Variants in C2orf42 observed in about 807,000 individuals in gnomAD.
C2orf42 encodes uncharacterized protein C2orf42.
C2orf42 carries 44 observed loss-of-function variants against 58.9 expected under a neutral mutation model. That is an observed-to-expected ratio of 0.75 (90% CI 0.59 to 0.96). The LOEUF is 0.96. Among genes scored for constraint, C2orf42 ranks in the 40% least tolerant of loss-of-function variants. The probability of loss-of-function intolerance (pLI) is 0.00; values close to 1 mark genes in which losing one functional copy is unlikely to be tolerated. For missense variants in C2orf42, 630 were observed against 699.2 expected (o/e 0.90, Z 1.12); for synonymous variants, 239 against 265.4 (o/e 0.90, Z 0.97).
At chr2:70,169,526 G>T in intron 6 of C2orf42, 31 bp downstream of exon 6, 1 of 1,122,452 alleles carries the variant, frequency 8.9e-7, no homozygotes, top group Non-Finnish European at 1.4e-6. Context: ...CCTACTTTCA[G>T]CAAGAGCCCA....
At chr2:70,158,434 ATTTATTTATTTATTTG>A (rs1414450085) in intron 9 of C2orf42, among the ~76,000 whole-genome samples, 8 of 144,736 alleles carry the variant, frequency 5.5e-5, no homozygotes, top group African/African-American at 2.2e-4. Flanking sequence ...TTATTTATTT[ATTTATTTATTTATTTG>A]TTTGTTTGTT....
chr2:70,150,526 T>C lies in C2orf42; in HGVS notation c.1555A>G (p.Ile519Val), dbSNP rs1346418641. ...SPDQKEPTPFIIEWIPDILPQ... is the reference protein window; with the variant it reads ...SPDQKEPTPFVIEWIPDILPQ... Reference sequence around the variant, plus strand: ...AGGATATCTGGGATCCACTCGATGATGAAAGGTGTTGGCTCCTTTTGATCT... The same window carrying C: ...AGGATATCTGGGATCCACTCGATGACGAAAGGTGTTGGCTCCTTTTGATCT... The change falls in exon 10 of 10, where the codon ATC becomes GTC. Residue 519 changes from isoleucine (I) to valine (V), a missense_variant. Coordinates refer to ENST00000264434, the MANE Select transcript of C2orf42 (RefSeq NM_017880.3). 1.2e-6 allele frequency: 2 copies of C among 1,614,018 alleles called. No individual in the cohort carries two copies. The highest frequency in any genetic ancestry group is 1.7e-6 in the Non-Finnish European group (2 of 1,179,922).
At chr2:70,189,677 C>T (rs978620233) in intron 1 of C2orf42, among the ~76,000 whole-genome samples, 48 of 148,180 alleles carry the variant, frequency 3.2e-4, no homozygotes, top group African/African-American at 1.0e-3. Flanking sequence ...GAGATCGTGC[C>T]ACTGCACTCC....
At position 70,183,046 on chromosome 2, in the gene C2orf42, T is replaced by C. The variant is rs549629885; in HGVS notation, c.-281-111A>G. The C allele has an allele frequency of 1.9e-3, 291 of 152,316 alleles. 3 individuals are homozygous for C. Among genetic ancestry groups the C allele is most frequent in the African/African-American group, 6.7e-3 (278 of 41,572 alleles). 9.4% of individuals were successfully genotyped at this position (152,316 alleles called of 1,614,324 possible). A position where few individuals can be genotyped will look rare whatever the true frequency, so the allele number is the denominator to read the frequency against. ...GTCTTTCACAATTACTTGAGAAATA[T>C]TTGACAGAAATGATTATGGAAATGG... is the stretch of plus-strand genomic sequence containing the variant. On this transcript the variant is annotated intron_variant, in intron 1 of 9. Coordinates refer to ENST00000264434, the MANE Select transcript of C2orf42 (RefSeq NM_017880.3).
Position 70,181,824 on chromosome 2 carries a change from A to C in C2orf42, c.162T>G (p.Gly54=). The C allele has an allele frequency of 6.2e-7, 1 of 1,614,154 alleles. No individual in the cohort carries two copies. The highest frequency in any genetic ancestry group is 1.3e-5 in the African/African-American group (1 of 75,046). Residue 54 remains glycine, a synonymous_variant, in exon 3 of 10, where the codon GGT becomes GGG. Coordinates refer to ENST00000264434, the MANE Select transcript of C2orf42 (RefSeq NM_017880.3). ...CTTCAACACTAGGCTGCTTGCGTGC[A>C]CCGTAGCGGAATATGGTTCCACATG... The part of the protein sequence containing the change: ...NKTCGTIFRY[G]ARKQPSVEAV...
intron 6 of C2orf42, 141 bp from the exon 7 acceptor site, chr2:70,165,776 A>G (rs943742495): frequency 1.7e-5 from 10 of 595,146 alleles, no homozygotes; most frequent in East Asian, 2.8e-5. Context: ...AGGCAAAAAG[A>G]AGGCTTTGAT....
chr2:70,177,600 A>C (rs1469523974), intron 4 of C2orf42, among the ~76,000 whole-genome samples: 1 of 152,142 alleles, frequency 6.6e-6, no homozygotes, highest in Non-Finnish European at 1.5e-5. Context: ...ATCCATCCCT[A>C]GCAATATTTC....
At chr2:70,171,320 G>T (rs1311767949) in intron 5 of C2orf42, among the ~76,000 whole-genome samples, 1 of 152,094 alleles carries the variant, frequency 6.6e-6, no homozygotes, top group Admixed American at 6.6e-5. Context: ...GGCTGTTTTA[G>T]AGGTTTATAA....
At chr2:70,169,379 G>C (rs1673639555) in intron 6 of C2orf42, among the ~76,000 whole-genome samples, 178 bp downstream of exon 6, 2 of 151,920 alleles carry the variant, frequency 1.3e-5, no homozygotes, top group Admixed American at 1.3e-4. Flanking sequence ...TAATTTTGCT[G>C]CGCCTGAATT....
chr2:70,186,083 C>T (rs914518204), intron 1 of C2orf42, among the ~76,000 whole-genome samples: 1 of 151,432 alleles, frequency 6.6e-6, no homozygotes, highest in African/African-American at 2.4e-5. Context: ...GATGTAGAGT[C>T]ATTAGCCTGT....
In C2orf42 at chr2:70,169,667, GA is replaced by G. The variant is rs750287311; in HGVS notation, c.1040-7del. ...ATCTAACAGCTGACCACAGGCTAGG[GA>G]AAAAAAAACCACACATACACACTTC... On this transcript the variant is annotated splice_region_variant and splice_polypyrimidine_tract_variant and intron_variant, in intron 5 of 9. Coordinates refer to ENST00000264434, the MANE Select transcript of C2orf42 (RefSeq NM_017880.3). 80 of 1,439,418 alleles carry G rather than the reference GA, an allele frequency of 5.6e-5. No individual in the cohort carries two copies. The highest frequency in any genetic ancestry group is 6.4e-5 in the Non-Finnish European group (66 of 1,032,342). The allele number at this position is 1,439,418 out of a possible 1,614,324, so 89.2% of individuals were successfully genotyped here. A position where few individuals can be genotyped will look rare whatever the true frequency, so the allele number is the denominator to read the frequency against.
intron 9 of C2orf42, among the ~76,000 whole-genome samples, chr2:70,154,320 TGA>T (rs1185805835): frequency 2.0e-5 from 3 of 149,450 alleles, no homozygotes; most frequent in African/African-American, 7.4e-5. Flanking sequence ...CCCAGCACTT[TGA>T]GAGGATCAGG....
intron 8 of C2orf42, among the ~76,000 whole-genome samples, chr2:70,164,250 C>T (rs1046788581): frequency 6.6e-6 from 1 of 151,378 alleles, no homozygotes. Context: ...TAGAGTGAGC[C>T]GTGACTGCAC....
In C2orf42 at chr2:70,181,232, T is replaced by C. The variant is rs748339283; in HGVS notation, c.754A>G (p.Ile252Val). The C allele has an allele frequency of 2.8e-5, 45 of 1,605,254 alleles. No homozygotes were observed. Among genetic ancestry groups the C allele is most frequent in the Non-Finnish European group, 3.6e-5 (42 of 1,173,034 alleles). ...AQRCIHFFAC[I>V]CAFASDETLA... ...GTCTCATCACTGGCAAAGGCACAGATGCAAGCAAAGAAATGAATGCATCTC... is the reference window on the plus strand; with the variant it reads ...GTCTCATCACTGGCAAAGGCACAGACGCAAGCAAAGAAATGAATGCATCTC... The change falls in exon 3 of 10, where the codon ATC becomes GTC. Residue 252 changes from isoleucine to valine, a missense_variant. Ile to Val is a conservative substitution (Grantham distance 29). Coordinates refer to ENST00000264434, the MANE Select transcript of C2orf42 (RefSeq NM_017880.3).
chr2:70,159,189 G>A (rs947302526), intron 9 of C2orf42, among the ~76,000 whole-genome samples: 5 of 151,806 alleles, frequency 3.3e-5, no homozygotes, highest in South Asian at 2.1e-4. Flanking sequence ...CCCGGCCCTC[G>A]GCGGAGTATT....
At chr2:70,176,683 C>T (rs1334453048) in intron 4 of C2orf42, among the ~76,000 whole-genome samples, 1 of 151,944 alleles carries the variant, frequency 6.6e-6, no homozygotes, top group Non-Finnish European at 1.5e-5. Flanking sequence ...AGTGGCTATT[C>T]ACAGGTCCAA....
intron 4 of C2orf42, among the ~76,000 whole-genome samples, chr2:70,179,323 C>A (rs1014116437): frequency 2.5e-4 from 38 of 152,128 alleles, no homozygotes; most frequent in African/African-American, 8.7e-4. Flanking sequence ...AATTCCAGCA[C>A]TCTGGGAGGC....
chr2:70,168,755 C>T (rs534301632), intron 6 of C2orf42, among the ~76,000 whole-genome samples: 186 of 151,476 alleles, frequency 1.2e-3, no homozygotes, highest in Non-Finnish European at 2.1e-3. Flanking sequence ...CACTGTTGCC[C>T]AGGCTGGAGT....
At chr2:70,177,361 AC>A (rs1674263012) in intron 4 of C2orf42, among the ~76,000 whole-genome samples, 3 of 151,986 alleles carry the variant, frequency 2.0e-5, no homozygotes, top group Admixed American at 2.0e-4. Context: ...AATTGCTTGA[AC>A]CCAGGAGGTG....
Sources: gnomAD v4.1 joint callset for allele counts (sites outside exome capture counted in the v4.1 genomes callset) on GRCh38, gnomAD v4.1.1 for gene constraint, MANE v1.5 for transcripts, NCBI Gene and HGNC (gene_info 2026-07-23, HGNC 2026-07-21) for gene names.